ACSS3: variants seen among roughly 807,000 people sequenced by gnomAD.
The protein encoded by ACSS3 is acyl-CoA synthetase short chain family member 3, also known as acyl-CoA synthetase short-chain family member 3, mitochondrial.
A neutral mutation model predicts 84.2 loss-of-function variants in ACSS3; 64 were observed. That is an observed-to-expected ratio of 0.76 (90% CI 0.62 to 0.94). The LOEUF (loss-of-function observed/expected upper bound fraction) is 0.94, where lower values mean the gene tolerates loss of function less well. ACSS3 is among the 40% of genes least tolerant of loss of function. The probability of loss-of-function intolerance (pLI) is 0.00; values close to 1 mark genes in which losing one functional copy is unlikely to be tolerated. For synonymous variants in ACSS3, 317 were observed against 310.1 expected, an observed-to-expected ratio of 1.02 and a Z score of -0.23; for missense variants, 815 against 867.6, an observed-to-expected ratio of 0.94 and a Z score of 0.76.
intron 3 of ACSS3, among the ~76,000 whole-genome samples, chr12:81,136,014 C>T (rs1030373892): frequency 3.9e-5 from 6 of 152,082 alleles, no homozygotes; most frequent in African/African-American, 2.4e-5. Context: ...CTGCTATGTT[C>T]CTGACACTGT....
At chr12:81,187,609 C>G (rs1054922497) in intron 8 of ACSS3, among the ~76,000 whole-genome samples, 3 of 151,642 alleles carry the variant, frequency 2.0e-5, no homozygotes, top group African/African-American at 7.3e-5. Flanking sequence ...TACCAATTAC[C>G]ACAACAGTTG....
intron 8 of ACSS3, 51 bp downstream of exon 8, chr12:81,174,990 G>T (rs754213458): frequency 6.4e-7 from 1 of 1,574,356 alleles, no homozygotes; most frequent in African/African-American, 1.3e-5. Context: ...CAATCAAAAT[G>T]AATAAGTGAA....
At chr12:81,101,222 AT>A (rs1334071446) in intron 1 of ACSS3, among the ~76,000 whole-genome samples, 2 of 152,162 alleles carry the variant, frequency 1.3e-5, no homozygotes, top group African/African-American at 2.4e-5. Context: ...TTACTTAAAT[AT>A]TTTTATTTGA....
Position 81,212,249 on chromosome 12 carries a change from A to G in ACSS3, c.1355-4652A>G, listed in dbSNP as rs565204647. On this transcript the variant is annotated intron_variant, in intron 9 of 15. Transcript: ENST00000548058. Reference sequence around the variant, plus strand: ...GAAATTGGGAGGTCTCCATGCGGGTAGAAATTTTGGCTACTTTTGTTTATT... The same window carrying G: ...GAAATTGGGAGGTCTCCATGCGGGTGGAAATTTTGGCTACTTTTGTTTATT... Among the ~76,000 whole-genome samples the G allele has an allele frequency of 2.6e-5, 4 of 152,370 alleles. No individual in the cohort carries two copies. The South Asian group carries it at 6.2e-4, about 24-fold the overall frequency.
At chr12:81,109,219 G>A (rs1365325728) in intron 1 of ACSS3, among the ~76,000 whole-genome samples, 1 of 152,074 alleles carries the variant, frequency 6.6e-6, no homozygotes, top group Non-Finnish European at 1.5e-5. Flanking sequence ...CCTCTGCACT[G>A]CACTTACATA....
Position 81,151,991 on chromosome 12 carries a change from T to C in ACSS3, c.1003-10T>C. The C allele has an allele frequency of 6.2e-7, 1 of 1,612,942 alleles. No homozygotes were observed. Among genetic ancestry groups the C allele is most frequent in the Non-Finnish European group, 8.5e-7 (1 of 1,179,232 alleles). On this transcript the variant is annotated splice_polypyrimidine_tract_variant and intron_variant, in intron 6 of 15. Transcript: ENST00000548058. ...ATAAAATATATTCATTTTATTATCT[T>C]ATTTTTTAGGTGTGGTGGGCAGCTT...
At chr12:81,249,910 G>A (rs2034097514) in intron 13 of ACSS3, among the ~76,000 whole-genome samples, 1 of 152,050 alleles carries the variant, frequency 6.6e-6, no homozygotes, top group African/African-American at 2.4e-5. Context: ...GGTCAGCTCA[G>A]TGAAATCTTA....
chr12:81,201,028 T>C (rs1031012104), intron 9 of ACSS3, among the ~76,000 whole-genome samples: 1 of 152,218 alleles, frequency 6.6e-6, no homozygotes. Context: ...AGAAGCTTTC[T>C]ATTCCTTCCA....
chr12:81,132,211 C>T (rs1311054545), intron 2 of ACSS3, among the ~76,000 whole-genome samples: 3 of 152,062 alleles, frequency 2.0e-5, no homozygotes, highest in Non-Finnish European at 2.9e-5. Flanking sequence ...GGTACCAGCT[C>T]GTTTTTGTGC....
chr12:81,217,378 A>G (rs1882190), intron 10 of ACSS3, among the ~76,000 whole-genome samples: 1 of 151,832 alleles, frequency 6.6e-6, no homozygotes, highest in Non-Finnish European at 1.5e-5. Context: ...GGTTAACAGA[A>G]TAAATAATTT....
chr12:81,245,524 T>C (rs1158005266), intron 13 of ACSS3, among the ~76,000 whole-genome samples: 1 of 152,188 alleles, frequency 6.6e-6, no homozygotes, highest in Non-Finnish European at 1.5e-5. Flanking sequence ...ATTTCCTTTC[T>C]CCTATGTCAG....
At chr12:81,092,163 G>A (rs980826207) in intron 1 of ACSS3, among the ~76,000 whole-genome samples, 2 of 151,810 alleles carry the variant, frequency 1.3e-5, no homozygotes, top group Admixed American at 6.6e-5. Context: ...TTTAGCCCTG[G>A]AGTTTATTCA....
chr12:81,087,512 T>C (rs1593020564), intron 1 of ACSS3, among the ~76,000 whole-genome samples: 1 of 151,642 alleles, frequency 6.6e-6, no homozygotes, highest in East Asian at 1.9e-4. Context: ...AGTATAGATA[T>C]CTGTAGAAAA....
At chr12:81,178,906 C>T (rs1196926827) in intron 8 of ACSS3, among the ~76,000 whole-genome samples, 1 of 152,086 alleles carries the variant, frequency 6.6e-6, no homozygotes, top group African/African-American at 2.4e-5. Flanking sequence ...TATTACAAGG[C>T]TACATTAACT....
intron 7 of ACSS3, among the ~76,000 whole-genome samples, chr12:81,167,738 A>G (rs1887469969): frequency 6.6e-6 from 1 of 152,186 alleles, no homozygotes; most frequent in African/African-American, 2.4e-5. Flanking sequence ...CTGGGGATTC[A>G]ATTTTCAACA....
At chr12:81,121,789 T>A (rs1206487963) in intron 2 of ACSS3, among the ~76,000 whole-genome samples, 2 of 152,128 alleles carry the variant, frequency 1.3e-5, no homozygotes, top group African/African-American at 4.8e-5. Context: ...TATTAGTAAT[T>A]GAACTTCCAT....
At position 81,143,202 on chromosome 12, in the gene ACSS3, C is replaced by A; in HGVS notation, c.876C>A (p.His292Gln). The A allele has an allele frequency of 1.2e-6, 2 of 1,613,062 alleles. No homozygotes were observed. The highest frequency in any genetic ancestry group is 1.1e-5 in the South Asian group (1 of 91,014). The stretch of plus-strand genomic sequence containing the variant: ...ACTGTGTTCCTGTTCTTTCAGAACA[C>A]CCACTGTATATTCTTTACACATCTG... ...SHDCVPVLSE[H>Q]PLYILYTSGT... Residue 292 changes from histidine (H) to glutamine (Q), a missense_variant, in exon 5 of 16, where the codon CAC becomes CAA. Coordinates refer to ENST00000548058, the MANE Select transcript of ACSS3 (RefSeq NM_024560.4).
chr12:81,204,040 A>G lies in ACSS3; in HGVS notation c.1354+4596A>G, dbSNP rs115026145. On this transcript the variant is annotated intron_variant, in intron 9 of 15. Transcript: ENST00000548058. Reference sequence around the variant, plus strand: ...CTTATCCTCAGCTGTACGATCCCCAAATAAAACACTATATTGTTATAGAGG... The same window carrying G: ...CTTATCCTCAGCTGTACGATCCCCAGATAAAACACTATATTGTTATAGAGG... 2.8e-3 allele frequency among the ~76,000 whole-genome samples: 423 copies of G among 152,266 alleles called. 5 individuals carry two copies. The highest frequency in any genetic ancestry group is 1.4e-3 in the Non-Finnish European group (97 of 68,004).
chr12:81,136,153 T>C (rs928331609), intron 3 of ACSS3, among the ~76,000 whole-genome samples: 2 of 152,184 alleles, frequency 1.3e-5, no homozygotes, highest in African/African-American at 2.4e-5. Flanking sequence ...GTGAGTCTGT[T>C]GTGAAATATC....
Sources: gnomAD v4.1 joint callset for allele counts (sites outside exome capture counted in the v4.1 genomes callset) on GRCh38, gnomAD v4.1.1 for gene constraint, MANE v1.5 for transcripts, NCBI Gene and HGNC (gene_info 2026-07-23, HGNC 2026-07-21) for gene names.